SPDYE10: variants seen among roughly 807,000 people sequenced by gnomAD.
SPDYE10 encodes speedy protein E10.
the SPDYE10 span, among the ~76,000 whole-genome samples, chr7:73,134,914 G>T: frequency 6.6e-6 from 1 of 152,310 alleles, no homozygotes; most frequent in African/African-American, 2.4e-5. Context: ...TGCTGAAAGG[G>T]CACAAGCTGA....
the SPDYE10 span, among the ~76,000 whole-genome samples, chr7:73,144,501 T>C: frequency 6.6e-6 from 1 of 151,974 alleles, no homozygotes; most frequent in Non-Finnish European, 1.5e-5. Flanking sequence ...CACCTGTAAT[T>C]CTAACACTTT....
the SPDYE10 span, among the ~76,000 whole-genome samples, chr7:73,152,496 G>T: frequency 2.4e-5 from 1 of 42,054 alleles, no homozygotes; most frequent in Non-Finnish European, 4.0e-5. Context: ...CGATTCTCCT[G>T]CCTCAGGAGA....
At chr7:73,122,500 C>T in the SPDYE10 span, among the ~76,000 whole-genome samples, 1 of 152,070 alleles carries the variant, frequency 6.6e-6, no homozygotes, top group Non-Finnish European at 1.5e-5. Flanking sequence ...AGGAGAATCG[C>T]TTGAACCTGG....
the SPDYE10 span, among the ~76,000 whole-genome samples, chr7:73,123,788 CCT>C: frequency 0.015 from 1,422 of 97,320 alleles, 4 homozygotes; most frequent in African/African-American, 0.024. Context: ...TCTCTCTCTC[CCT>C]CTCTCTCTCT....
chr7:73,150,948 A>ATATATATTT, the SPDYE10 span, among the ~76,000 whole-genome samples: 4 of 4,942 alleles, frequency 8.1e-4, no homozygotes, highest in African/African-American at 3.6e-3. Context: ...ATATATATAT[A>ATATATATTT]TTTTTTTTTT....
the SPDYE10 span, among the ~76,000 whole-genome samples, chr7:73,149,649 G>A: frequency 6.6e-6 from 1 of 151,728 alleles, no homozygotes; most frequent in African/African-American, 2.4e-5. Context: ...GTTTCACCTG[G>A]GCTCATGTGT....
chr7:73,115,494 G>A, the SPDYE10 span, among the ~76,000 whole-genome samples: 7 of 148,338 alleles, frequency 4.7e-5, no homozygotes, highest in Non-Finnish European at 7.4e-5. Flanking sequence ...AGCTGTATCC[G>A]TGTGAGTCTG....
At chr7:73,123,788 C>CCTCTCCCTCTCTCT in the SPDYE10 span, among the ~76,000 whole-genome samples, 1 of 97,458 alleles carries the variant, frequency 1.0e-5, no homozygotes, top group African/African-American at 5.1e-5. Context: ...TCTCTCTCTC[C>CCTCTCCCTCTCTCT]CTCTCTCTCT....
chr7:73,137,705 G>C, the SPDYE10 span, among the ~76,000 whole-genome samples: 1 of 39,426 alleles, frequency 2.5e-5, no homozygotes, highest in Non-Finnish European at 5.1e-5. Flanking sequence ...GGAAGGGAAA[G>C]GGAGGGGGAG....
chr7:73,116,747 C>A, the SPDYE10 span, among the ~76,000 whole-genome samples: 1 of 150,914 alleles, frequency 6.6e-6, no homozygotes, highest in African/African-American at 2.5e-5. Flanking sequence ...CCATGCCTGG[C>A]TTCTATATTT....
the SPDYE10 span, among the ~76,000 whole-genome samples, chr7:73,127,112 G>GTT: frequency 4.4e-5 from 1 of 22,740 alleles, no homozygotes; most frequent in Non-Finnish European, 7.9e-5. Flanking sequence ...TTTTTTTTTT[G>GTT]TATTTTTTTA....
chr7:73,142,940 AAGAG>A, the SPDYE10 span, among the ~76,000 whole-genome samples: 1 of 140,574 alleles, frequency 7.1e-6, no homozygotes, highest in African/African-American at 2.6e-5. Context: ...CTCAAAAAAA[AAGAG>A]AGAGAGGGAG....
At chr7:73,113,358 T>TAAAAC in the SPDYE10 span, among the ~76,000 whole-genome samples, 156 of 29,574 alleles carry the variant, frequency 5.3e-3, no homozygotes, top group Middle Eastern at 0.023. Context: ...AGCCCATCTC[T>TAAAAC]AAAACAAAAC....
At chr7:73,147,803 G>C in the SPDYE10 span, among the ~76,000 whole-genome samples, 1 of 139,366 alleles carries the variant, frequency 7.2e-6, no homozygotes, top group Non-Finnish European at 1.5e-5. Flanking sequence ...CCTGTTTTTT[G>C]TTTGTTTGTT....
the SPDYE10 span, among the ~76,000 whole-genome samples, chr7:73,115,345 C>T: frequency 6.6e-6 from 1 of 152,106 alleles, no homozygotes; most frequent in Non-Finnish European, 1.5e-5. Flanking sequence ...AAAACCTGTA[C>T]AGAATCCTCA....
At chr7:73,134,632 C>T in the SPDYE10 span, among the ~76,000 whole-genome samples, 3 of 152,232 alleles carry the variant, frequency 2.0e-5, no homozygotes, top group African/African-American at 4.8e-5. Context: ...GAGGCTGAGG[C>T]GGGCAGCTCA....
chr7:73,150,946 A>ATT, the SPDYE10 span, among the ~76,000 whole-genome samples: 12 of 11,320 alleles, frequency 1.1e-3, no homozygotes, highest in African/African-American at 2.1e-3. Context: ...ATATATATAT[A>ATT]TATTTTTTTT....
the SPDYE10 span, among the ~76,000 whole-genome samples, chr7:73,113,852 C>T: frequency 1.8e-4 from 27 of 151,990 alleles, no homozygotes; most frequent in African/African-American, 6.0e-4. Context: ...TGGCTAACAC[C>T]CCATCTCTGC....
the SPDYE10 span, among the ~76,000 whole-genome samples, chr7:73,134,406 G>A: frequency 6.7e-6 from 1 of 150,356 alleles, no homozygotes; most frequent in Admixed American, 6.6e-5. Context: ...AGCATTAGGA[G>A]ATATACCCAA....
Sources: allele counts gnomAD v4.1 joint callset (sites outside exome capture counted in the v4.1 genomes callset), GRCh38; gene constraint gnomAD v4.1.1; transcripts MANE v1.5; gene names NCBI Gene and HGNC (gene_info 2026-07-23, HGNC 2026-07-21).